LY6G6D: variants seen among roughly 807,000 people sequenced by gnomAD.
The protein encoded by LY6G6D is lymphocyte antigen 6 family member G6D, also known as lymphocyte antigen 6 complex locus protein G6d.
Under a neutral mutation model 8.5 loss-of-function variants are expected in LY6G6D, and 5 were observed. That is an observed-to-expected ratio of 0.59 (90% CI 0.31 to 1.24). LY6G6D has a LOEUF of 1.24. Ranked by LOEUF, LY6G6D falls within the 50% of genes most tolerant of loss-of-function variation. The pLI is 0.07. For missense variants in LY6G6D, 154 were observed against 170.4 expected (o/e 0.90, Z 0.53); for synonymous variants, 65 against 69.6 (o/e 0.93, Z 0.33).
At chr6:31,715,444 C>A (rs575852235) in intron 1 of LY6G6D, 34 bp downstream of exon 1, 92 of 1,605,534 alleles carry the variant, frequency 5.7e-5, no homozygotes, top group South Asian at 1.1e-4. Context: ...CTCACACAGG[C>A]CTTCTGCCAG....
At position 31,716,428 on chromosome 6, in the gene LY6G6D, A is replaced by AAAAC. The variant is rs777717016; in HGVS notation, c.178+826_178+829dup. 3.7e-4 allele frequency among the ~76,000 whole-genome samples: 56 copies of AAAAC among 152,086 alleles called. No homozygotes were observed. The highest frequency in any genetic ancestry group is 7.2e-4 in the African/African-American group (30 of 41,460). ...ACATAGGGAGACCCTGTCTCTACAA[A>AAAAC]AAACAAACAAACAAACAAACAAACA... On this transcript the variant is annotated intron_variant, in intron 2 of 2. Transcript: ENST00000375825. The surrounding 1 kb of genome is among the most constrained non-coding windows in gnomAD (Gnocchi z 5.1).
rs1454605445 is a variant in LY6G6D, at chr6:31,716,220, T to A, written c.178+596T>A. 6.6e-6 allele frequency among the ~76,000 whole-genome samples: 1 copy of A among 152,206 alleles called. No homozygotes were observed. The highest frequency in any genetic ancestry group is 2.4e-5 in the African/African-American group (1 of 41,448). ...TTAGTCTCCTCTGATCTGTGCCAGT[T>A]CTGTTTTTCTTTGTCTTTCATGACC... On this transcript the variant is annotated intron_variant, in intron 2 of 2. Transcript: ENST00000375825. The surrounding 1 kb of genome is among the most constrained non-coding windows in gnomAD (Gnocchi z 5.1).
chr6:31,717,888 C>CT lies in LY6G6D; in HGVS notation c.*85dup. The CT allele has an allele frequency of 6.7e-7, 1 of 1,500,874 alleles. No homozygotes were observed. The highest frequency in any genetic ancestry group is 8.8e-7 in the Non-Finnish European group (1 of 1,131,744). 93.0% of individuals were successfully genotyped at this position (1,500,874 alleles called of 1,614,324 possible). On this transcript the variant is annotated 3_prime_UTR_variant, in exon 3 of 3. Transcript: ENST00000375825. The surrounding 1 kb of genome is among the most constrained non-coding windows in gnomAD (Gnocchi z 5.0). ...CTAATGTGAGAAGAGAAACATCCTT[C>CT]TGTGAGTCATTAAAATCTATGAACC...
Position 31,717,584 on chromosome 6 carries a change from C to T in LY6G6D, c.182C>T (p.Pro61Leu), listed in dbSNP as rs919840227. The change falls in exon 3 of 3, where the codon CCA becomes CTA. Residue 61 changes from proline to leucine, a missense_variant. Transcript: ENST00000375825. This position sits in a 1 kb window ranked among gnomAD's most constrained non-coding sequence, Gnocchi z 5.0. ...LEQIKLPGNP[P>L]VTLIHQHPAC... ...CCAGTTTCATTCTCTCTCTCAGCCC[C>T]AGTGACCTTGATTCACCAACATCCA... The T allele has an allele frequency of 6.2e-7, 1 of 1,614,122 alleles. No homozygotes were observed. Among genetic ancestry groups the T allele is most frequent in the African/African-American group, 1.3e-5 (1 of 74,926 alleles).
In LY6G6D at chr6:31,715,747, A is replaced by C. The variant is rs1000553362; in HGVS notation, c.178+123A>C. The C allele has an allele frequency of 8.4e-6, 12 of 1,434,790 alleles. No homozygotes were observed. In the African/African-American group the frequency reaches 1.3e-4, roughly 15 times the overall value. The allele number at this position is 1,434,790 out of a possible 1,614,324, so 88.9% of individuals were successfully genotyped here. A position where few individuals can be genotyped will look rare whatever the true frequency, so the allele number is the denominator to read the frequency against. ...TCTGGGCAGATGGTGCAGCTGTTAGAGGAGAGCAGTCTGTACCCCTTCTGG... is the reference window on the plus strand; with the variant it reads ...TCTGGGCAGATGGTGCAGCTGTTAGCGGAGAGCAGTCTGTACCCCTTCTGG... On this transcript the variant is annotated intron_variant, in intron 2 of 2. Coordinates refer to ENST00000375825, the MANE Select transcript of LY6G6D (RefSeq NM_021246.4).
At position 31,717,907 on chromosome 6, in the gene LY6G6D, A is replaced by G. The variant is rs1488847523; in HGVS notation, c.*103A>G. On this transcript the variant is annotated 3_prime_UTR_variant, in exon 3 of 3. Coordinates refer to ENST00000375825, the MANE Select transcript of LY6G6D (RefSeq NM_021246.4). This position sits in a 1 kb window ranked among gnomAD's most constrained non-coding sequence, Gnocchi z 5.0. ...ATCCTTCTGTGAGTCATTAAAATCTATGAACCACTCTACAGCTGACTGGAA... is the reference window on the plus strand; with the variant it reads ...ATCCTTCTGTGAGTCATTAAAATCTGTGAACCACTCTACAGCTGACTGGAA... 1 of 1,477,218 alleles carries G rather than the reference A, an allele frequency of 6.8e-7. No homozygotes were observed. The highest frequency in any genetic ancestry group is 1.4e-5 in the African/African-American group (1 of 71,268). 91.5% of individuals were successfully genotyped at this position (1,477,218 alleles called of 1,614,324 possible). A position where few individuals can be genotyped will look rare whatever the true frequency, so the allele number is the denominator to read the frequency against.
chr6:31,715,547 C>A lies in LY6G6D; in HGVS notation c.101C>A (p.Ser34Tyr), dbSNP rs1301474479. Residue 34 changes from serine (S) to tyrosine (Y), a missense_variant, in exon 2 of 3, where the codon TCT (serine) becomes TAT (tyrosine). By Grantham distance (144) the Ser-to-Tyr change is moderately radical. Coordinates refer to ENST00000375825, the MANE Select transcript of LY6G6D (RefSeq NM_021246.4). ...AACTGTGGTGGAAGCCCCAGCAGTTCTTGCAAAGAGGCCGTGACCACCTGT... is the reference window on the plus strand; with the variant it reads ...AACTGTGGTGGAAGCCCCAGCAGTTATTGCAAAGAGGCCGTGACCACCTGT... ...CYNCGGSPSS[S>Y]CKEAVTTCGE... is the part of the protein sequence containing the mutation. 6 of 1,612,934 alleles carry A rather than the reference C, an allele frequency of 3.7e-6. No individual in the cohort carries two copies. Among genetic ancestry groups the A allele is most frequent in the Non-Finnish European group, 5.1e-6 (6 of 1,180,034 alleles).
chr6:31,716,441 A>C lies in LY6G6D; in HGVS notation c.178+817A>C, dbSNP rs1424961525. 6.6e-6 allele frequency among the ~76,000 whole-genome samples: 1 copy of C among 152,066 alleles called. No individual in the cohort carries two copies. The highest frequency in any genetic ancestry group is 1.5e-5 in the Non-Finnish European group (1 of 68,018). On this transcript the variant is annotated intron_variant, in intron 2 of 2. Transcript: ENST00000375825. The surrounding 1 kb of genome is among the most constrained non-coding windows in gnomAD (Gnocchi z 5.1). ...CTGTCTCTACAAAAAACAAACAAAC[A>C]AACAAACAAACAGATTAAAAAATTA...
rs1272166662 is a variant in LY6G6D at position 31,717,522 on chromosome 6, C to T, written c.179-59C>T. On this transcript the variant is annotated intron_variant, in intron 2 of 2. Transcript: ENST00000375825. This position sits in a 1 kb window ranked among gnomAD's most constrained non-coding sequence, Gnocchi z 5.0. Reference sequence around the variant, plus strand: ...CTCCTTGAAATCACATCTGCTCTGCCCCAGAAGGCAAGTCCTGAAGCCAGG... The same window carrying T: ...CTCCTTGAAATCACATCTGCTCTGCTCCAGAAGGCAAGTCCTGAAGCCAGG... 3 of 1,613,922 alleles carry T rather than the reference C, an allele frequency of 1.9e-6. No homozygotes were observed. Among genetic ancestry groups the T allele is most frequent in the Non-Finnish European group, 2.5e-6 (3 of 1,179,960 alleles).
Position 31,717,668 on chromosome 6 carries a change from CT to C in LY6G6D, c.268del (p.Tyr90IlefsTer34), listed in dbSNP as rs1295423563. ...QVETESVGDV[T>X]YPAHRDCYLG... ...GAGACAGAGTCGGTGGGAGACGTGA[CT>C]TATCCAGCCCACAGGGACTGCTACC... On this transcript the variant is annotated frameshift_variant, in exon 3 of 3. Transcript: ENST00000375825. LOFTEE classifies it low-confidence loss of function (END_TRUNC). This position sits in a 1 kb window ranked among gnomAD's most constrained non-coding sequence, Gnocchi z 5.0. The C allele has an allele frequency of 6.2e-7, 1 of 1,614,094 alleles. No individual in the cohort carries two copies. Among genetic ancestry groups the C allele is most frequent in the Non-Finnish European group, 8.5e-7 (1 of 1,180,050 alleles).
In LY6G6D at chr6:31,717,768, C is replaced by T. The variant is rs774840149; in HGVS notation, c.366C>T (p.Ala122=). 94 of 1,613,698 alleles carry T rather than the reference C, an allele frequency of 5.8e-5. No homozygotes were observed. Among genetic ancestry groups the T allele is most frequent in the Non-Finnish European group, 7.3e-5 (86 of 1,180,030 alleles). ...PAGILAAAAT[A]LTCLLPGLWS... ...GCATTTTGGCTGCAGCAGCTACCGC[C>T]CTGACCTGTCTCTTGCCAGGACTGT... is the stretch of plus-strand genomic sequence containing the variant. Residue 122 remains alanine (A), a synonymous_variant, in exon 3 of 3, where the codon GCC becomes GCT. Coordinates refer to ENST00000375825, the MANE Select transcript of LY6G6D (RefSeq NM_021246.4). The surrounding 1 kb of genome is among the most constrained non-coding windows in gnomAD (Gnocchi z 5.0).
At chr6:31,715,466 G>C (rs749354205) in intron 1 of LY6G6D, 36 bp from the exon 2 acceptor site, 1 of 1,607,428 alleles carries the variant, frequency 6.2e-7, no homozygotes. Flanking sequence ...CGGCTCCACC[G>C]AGGGCCCAGG....
At position 31,716,570 on chromosome 6, in the gene LY6G6D, G is replaced by A. The variant is rs1378001545; in HGVS notation, c.178+946G>A. Reference sequence around the variant, plus strand: ...TGAAGCTACAATGAGCCATGATCACGCCACTACACTCCAGCCTGGGGAACA... The same window carrying A: ...TGAAGCTACAATGAGCCATGATCACACCACTACACTCCAGCCTGGGGAACA... On this transcript the variant is annotated intron_variant, in intron 2 of 2. Transcript: ENST00000375825. The surrounding 1 kb of genome is among the most constrained non-coding windows in gnomAD (Gnocchi z 5.1). Among the ~76,000 whole-genome samples, 3 of 152,002 alleles carry A rather than the reference G, an allele frequency of 2.0e-5. No homozygotes were observed. Among genetic ancestry groups the A allele is most frequent in the Non-Finnish European group, 4.4e-5 (3 of 68,002 alleles).
At chr6:31,715,837 C>T (rs974110833) in intron 2 of LY6G6D, among the ~76,000 whole-genome samples, 2 of 152,106 alleles carry the variant, frequency 1.3e-5, no homozygotes, top group African/African-American at 4.8e-5. Context: ...CCTCCTTATT[C>T]TCCTAAAAGA....
At chr6:31,715,442 G>A in intron 1 of LY6G6D, 32 bp downstream of exon 1, 1 of 1,605,910 alleles carries the variant, frequency 6.2e-7, no homozygotes, top group Non-Finnish European at 8.5e-7. Flanking sequence ...TTCTCACACA[G>A]GCCTTCTGCC....
In LY6G6D at chr6:31,716,669, C is replaced by T. The variant is rs1050712500; in HGVS notation, c.179-912C>T. Among the ~76,000 whole-genome samples, 1 of 151,840 alleles carries T rather than the reference C, an allele frequency of 6.6e-6. No homozygotes were observed. The highest frequency in any genetic ancestry group is 2.4e-5 in the African/African-American group (1 of 41,304). On this transcript the variant is annotated intron_variant, in intron 2 of 2. Transcript: ENST00000375825. This position sits in a 1 kb window ranked among gnomAD's most constrained non-coding sequence, Gnocchi z 5.1. ...GGCTTGGTGGCACACACTTGTAATCCCAGCACTTTGGGAGGCCAAGGCTGA... is the reference window on the plus strand; with the variant it reads ...GGCTTGGTGGCACACACTTGTAATCTCAGCACTTTGGGAGGCCAAGGCTGA...
At position 31,717,881 on chromosome 6, in the gene LY6G6D, C is replaced by T. The variant is rs1249868098; in HGVS notation, c.*77C>T. On this transcript the variant is annotated 3_prime_UTR_variant, in exon 3 of 3. Coordinates refer to ENST00000375825, the MANE Select transcript of LY6G6D (RefSeq NM_021246.4). The surrounding 1 kb of genome is among the most constrained non-coding windows in gnomAD (Gnocchi z 5.0). ...TGAACATCTAATGTGAGAAGAGAAA[C>T]ATCCTTCTGTGAGTCATTAAAATCT... 1.3e-6 allele frequency: 2 copies of T among 1,512,828 alleles called. No homozygotes were observed. Among genetic ancestry groups the T allele is most frequent in the Non-Finnish European group, 1.8e-6 (2 of 1,137,328 alleles). The allele number at this position is 1,512,828 out of a possible 1,614,324, so 93.7% of individuals were successfully genotyped here.
chr6:31,717,568 TTCTC>T lies in LY6G6D; in HGVS notation c.179-6_179-3del. ...CCAGGAGTCCAACACCCCAGTTTCA[TTCTC>T]TCTCTCAGCCCCAGTGACCTTGATT... On this transcript the variant is annotated splice_polypyrimidine_tract_variant and intron_variant, in intron 2 of 2. Transcript: ENST00000375825. The surrounding 1 kb of genome is among the most constrained non-coding windows in gnomAD (Gnocchi z 5.0). 6.2e-7 allele frequency: 1 copy of T among 1,614,166 alleles called. No individual in the cohort carries two copies. Among genetic ancestry groups the T allele is most frequent in the Non-Finnish European group, 8.5e-7 (1 of 1,180,014 alleles).
In LY6G6D at chr6:31,715,410, G is replaced by A. The variant is rs1806347016; in HGVS notation, c.55G>A (p.Gly19Arg). The A allele has an allele frequency of 6.2e-7, 1 of 1,606,174 alleles. No individual in the cohort carries two copies. Among genetic ancestry groups the A allele is most frequent in the Non-Finnish European group, 8.5e-7 (1 of 1,175,136 alleles). The change falls in exon 1 of 3, where the codon GGA becomes AGA. Residue 19 changes from glycine to arginine, a missense_variant and splice_region_variant. Gly to Arg is a moderately radical substitution (Grantham distance 125). Transcript: ENST00000375825. ...LLSSLLGAAL[G>R]NRMRCYNCGG... is the part of the protein sequence containing the mutation. The stretch of plus-strand genomic sequence containing the variant: ...CAGCTCCCTGCTAGGGGCTGCCTTG[G>A]GTAAGGAGGCGGCCAGCTAGCTTCT...
Sources: gnomAD v4.1 joint callset for allele counts (sites outside exome capture counted in the v4.1 genomes callset) on GRCh38, gnomAD v4.1.1 for gene constraint, Gnocchi (gnomAD v3.1) non-coding constraint, MANE v1.5 for transcripts, NCBI Gene and HGNC (gene_info 2026-07-23, HGNC 2026-07-21) for gene names.